SLC35B4: variants seen among roughly 807,000 people sequenced by gnomAD.
The protein encoded by SLC35B4 is solute carrier family 35 member B4, also known as nucleotide sugar transporter SLC35B4.
In SLC35B4, 28 loss-of-function variants were observed where a neutral mutation model predicts 39.5. That is an observed-to-expected ratio of 0.71 (90% CI 0.53 to 0.97). SLC35B4 has a LOEUF of 0.97. Ranked by LOEUF, SLC35B4 falls within the 50% of genes least tolerant of loss-of-function variation. SLC35B4 has a pLI of 0.00. For missense variants in SLC35B4, 334 were observed against 414.3 expected, an observed-to-expected ratio of 0.81 and a Z score of 1.68; for synonymous variants, 145 against 150.4, an observed-to-expected ratio of 0.96 and a Z score of 0.26.
intron 1 of SLC35B4, among the ~76,000 whole-genome samples, chr7:134,310,093 A>G (rs920024960): frequency 2.0e-5 from 3 of 152,212 alleles, no homozygotes; most frequent in East Asian, 1.9e-4. Flanking sequence ...AGTACACACT[A>G]TATCTATGGC....
rs1444511937 is a variant in SLC35B4, at chr7:134,299,624, A to T, written c.598-26T>A. ...CTATGGAAAGAAACAGGTCAGATAA[A>T]TGTAAGTGCAAAAACATTATAGAAT... On this transcript the variant is annotated intron_variant, in intron 7 of 9. Coordinates refer to ENST00000378509, the MANE Select transcript of SLC35B4 (RefSeq NM_032826.5). 3.2e-6 allele frequency: 5 copies of T among 1,576,352 alleles called. No individual in the cohort carries two copies. The African/African-American group carries it at 4.1e-5, about 13-fold the overall frequency.
In SLC35B4 at chr7:134,302,226, C is replaced by G. The variant is rs568354354; in HGVS notation, c.345-116G>C. On this transcript the variant is annotated intron_variant, in intron 4 of 9. Coordinates refer to ENST00000378509, the MANE Select transcript of SLC35B4 (RefSeq NM_032826.5). ...GTACAAATCACTAAAGTATGACAGA[C>G]AGGATTACTTTCCAGCAGAGTCCAC... 4.8e-6 allele frequency: 4 copies of G among 828,056 alleles called. No homozygotes were observed. In the African/African-American group the frequency reaches 6.9e-5, roughly 14 times the overall value. 51.3% of individuals were successfully genotyped at this position (828,056 alleles called of 1,614,324 possible).
chr7:134,305,567 C>T (rs1337476370), intron 3 of SLC35B4, among the ~76,000 whole-genome samples: 1 of 152,114 alleles, frequency 6.6e-6, no homozygotes, highest in African/African-American at 2.4e-5. Context: ...AGGGCTAGCA[C>T]GAATAAATGA....
chr7:134,317,067 A>G (rs1326443464), upstream of SLC35B4: 6 of 347,066 alleles, frequency 1.7e-5, no homozygotes, highest in Non-Finnish European at 3.2e-5. Context: ...CAGCTCCGCC[A>G]GAGAGGACAG....
At chr7:134,318,514 A>G (rs1804046041), upstream of SLC35B4, among the ~76,000 whole-genome samples, 1 of 152,132 alleles carries the variant, frequency 6.6e-6, no homozygotes, top group Non-Finnish European at 1.5e-5. Flanking sequence ...ATACAGGTAT[A>G]TAATAGTACC....
chr7:134,311,486 C>T (rs953637237), intron 1 of SLC35B4, among the ~76,000 whole-genome samples: 2 of 152,118 alleles, frequency 1.3e-5, no homozygotes, highest in Admixed American at 6.5e-5. Flanking sequence ...TGAAACCCAT[C>T]TCTACTAAAA....
chr7:134,309,613 T>G (rs1390918299), intron 1 of SLC35B4, 134 bp from the exon 2 acceptor site: 1 of 657,094 alleles, frequency 1.5e-6, no homozygotes, highest in African/African-American at 1.8e-5. Context: ...TATCTCAATG[T>G]TCATAGCCTT....
intron 3 of SLC35B4, among the ~76,000 whole-genome samples, chr7:134,305,336 G>GTATATATATATA (rs112975529): frequency 9.4e-4 from 141 of 149,296 alleles, no homozygotes; most frequent in African/African-American, 3.0e-3. Context: ...AAAAATATAC[G>GTATATATATATA]TATATATATA....
In SLC35B4 at chr7:134,290,413, A is replaced by G. The variant is rs1370221441; in HGVS notation, c.*4420T>C. ...ACTTGAGGGAAGAAGAGATCTTGGCAAGCATTCATTTATTCACATAACATA... is the reference window on the plus strand; with the variant it reads ...ACTTGAGGGAAGAAGAGATCTTGGCGAGCATTCATTTATTCACATAACATA... On this transcript the variant is annotated 3_prime_UTR_variant, in exon 10 of 10. Coordinates refer to ENST00000378509, the MANE Select transcript of SLC35B4 (RefSeq NM_032826.5). 6.6e-6 allele frequency: 1 copy of G among 152,226 alleles called. No individual in the cohort carries two copies. Among genetic ancestry groups the G allele is most frequent in the African/African-American group, 2.4e-5 (1 of 41,456 alleles). The allele number at this position is 152,226 out of a possible 1,614,324, so 9.4% of individuals were successfully genotyped here.
intron 8 of SLC35B4, among the ~76,000 whole-genome samples, chr7:134,297,582 C>CA (rs199896500): frequency 0.02 from 3,041 of 151,920 alleles, 129 homozygotes; most frequent in African/African-American, 0.071. Context: ...AAAAAAAACT[C>CA]AGAAAAAAAG....
chr7:134,313,103 C>T (rs1337699464), intron 1 of SLC35B4, among the ~76,000 whole-genome samples: 2 of 152,192 alleles, frequency 1.3e-5, no homozygotes, highest in Admixed American at 6.5e-5. Context: ...TTTCGAAACA[C>T]ACTGTTGTAT....
chr7:134,318,964 G>A (rs1375995341), upstream of SLC35B4, among the ~76,000 whole-genome samples: 1 of 152,198 alleles, frequency 6.6e-6, no homozygotes, highest in Non-Finnish European at 1.5e-5. Context: ...CTGAGATTCT[G>A]CATTTCTAAG....
intron 1 of SLC35B4, among the ~76,000 whole-genome samples, chr7:134,315,452 C>T (rs560999560): frequency 6.6e-6 from 1 of 152,234 alleles, no homozygotes; most frequent in East Asian, 1.9e-4. Flanking sequence ...ACACCTGACA[C>T]CTTTGCTTTC....
At position 134,289,433 on chromosome 7, in the gene SLC35B4, A is replaced by T. The variant is rs971265909; in HGVS notation, c.*5400T>A. Reference sequence around the variant, plus strand: ...GGAAGCCGATGTTTGATATTTACACAGCTCAAAATCTGAATACCCACTAAT... The same window carrying T: ...GGAAGCCGATGTTTGATATTTACACTGCTCAAAATCTGAATACCCACTAAT... On this transcript the variant is annotated 3_prime_UTR_variant, in exon 10 of 10. Coordinates refer to ENST00000378509, the MANE Select transcript of SLC35B4 (RefSeq NM_032826.5). The T allele has an allele frequency of 1.3e-5, 2 of 152,678 alleles. No homozygotes were observed. Among genetic ancestry groups the T allele is most frequent in the Non-Finnish European group, 2.9e-5 (2 of 68,052 alleles). The allele number at this position is 152,678 out of a possible 1,614,324, so 9.5% of individuals were successfully genotyped here. A position where few individuals can be genotyped will look rare whatever the true frequency, so the allele number is the denominator to read the frequency against.
intron 2 of SLC35B4, 102 bp downstream of exon 2, chr7:134,309,264 A>G: frequency 1.6e-6 from 1 of 630,214 alleles, no homozygotes; most frequent in Non-Finnish European, 2.6e-6. Flanking sequence ...TATCTTTGAA[A>G]TAAATCTTAT....
In SLC35B4 at chr7:134,300,239, A is replaced by G; in HGVS notation, c.510T>C (p.Ala170=). Residue 170 remains alanine (A), a synonymous_variant, in exon 7 of 10, where the codon GCT becomes GCC. Coordinates refer to ENST00000378509, the MANE Select transcript of SLC35B4 (RefSeq NM_032826.5). ...WLLGIGALTF[A]LLMSARMGIF... is the part of the protein sequence containing the mutation. ...TCCCCATCCTTGCTGACATCAGAAG[A>G]GCAAAAGTCAATGCCCCAATACCTA... is the stretch of plus-strand genomic sequence containing the variant. The G allele has an allele frequency of 6.2e-7, 1 of 1,611,640 alleles. No homozygotes were observed. Among genetic ancestry groups the G allele is most frequent in the Non-Finnish European group, 8.5e-7 (1 of 1,179,450 alleles).
chr7:134,314,590 C>A (rs990504305), intron 1 of SLC35B4, among the ~76,000 whole-genome samples: 3 of 152,214 alleles, frequency 2.0e-5, no homozygotes, highest in Admixed American at 1.3e-4. Flanking sequence ...GGCTGGAGTG[C>A]AATGGTGCTA....
rs2117273882 is a variant in SLC35B4 at position 134,294,608 on chromosome 7, C to T, written c.*225G>A. On this transcript the variant is annotated 3_prime_UTR_variant, in exon 10 of 10. Transcript: ENST00000378509. The stretch of plus-strand genomic sequence containing the variant: ...AACAGAAATAAATGAATGGGCTGTT[C>T]AATAGTCCAGAACTGTTCTTTTTTC... The T allele has an allele frequency of 4.1e-6, 2 of 487,792 alleles. No homozygotes were observed. Among genetic ancestry groups the T allele is most frequent in the East Asian group, 6.7e-5 (2 of 29,790 alleles). The allele number at this position is 487,792 out of a possible 1,614,324, so 30.2% of individuals were successfully genotyped here.
upstream of SLC35B4, chr7:134,316,971 G>A (rs1169929022): frequency 1.6e-5 from 9 of 563,570 alleles, no homozygotes; most frequent in Non-Finnish European, 2.8e-5. Context: ...ATTCATCCGA[G>A]GGGGCGTCCG....
Sources: allele counts gnomAD v4.1 joint callset (sites outside exome capture counted in the v4.1 genomes callset), GRCh38; gene constraint gnomAD v4.1.1; transcripts MANE v1.5; gene names NCBI Gene and HGNC (gene_info 2026-07-23, HGNC 2026-07-21).